MED6: variants seen among roughly 807,000 people sequenced by gnomAD.
MED6 encodes the protein mediator of RNA polymerase II transcription subunit 6.
Under a neutral mutation model 37.5 loss-of-function variants are expected in MED6, and 33 were observed. The ratio of observed to expected loss-of-function variants is 0.88; its 90% CI spans 0.67 to 1.18. The LOEUF (loss-of-function observed/expected upper bound fraction) is 1.18. MED6 is among the 50% of genes most tolerant of loss of function. MED6 has a pLI of 0.00. For missense variants in MED6, 235 were observed against 290.6 expected, an observed-to-expected ratio of 0.81 and a Z score of 1.39; for synonymous variants, 94 against 93.6, an observed-to-expected ratio of 1.00 and a Z score of -0.02.
chr14:70,596,358 T>C (rs1885044858), intron 3 of MED6: 1 of 350,668 alleles, frequency 2.9e-6, no homozygotes, highest in Non-Finnish European at 5.3e-6. Context: ...CATGGATTCC[T>C]ACAGACCCCA....
intron 1 of MED6, 104 bp from the exon 2 acceptor site, chr14:70,597,881 G>A: frequency 3.4e-6 from 3 of 871,790 alleles, no homozygotes; most frequent in Non-Finnish European, 4.9e-6. Flanking sequence ...ATGAATATAA[G>A]GATGACATAG....
rs1885029684 is a variant in MED6, at chr14:70,595,864, G to A, written c.274+747C>T. On this transcript the variant is annotated intron_variant, in intron 3 of 7. Coordinates refer to ENST00000256379, the MANE Select transcript of MED6 (RefSeq NM_005466.4). ...GCAGGGTACCCTTTGAGGAGCAGGA[G>A]GCCAATAAAAAGTTCAGAGGTCAAA... The A allele has an allele frequency of 6.4e-6, 4 of 629,304 alleles. 1 individual carries two copies. In the East Asian group the frequency reaches 9.2e-5, roughly 14 times the overall value. The allele number at this position is 629,304 out of a possible 1,614,324, so 39.0% of individuals were successfully genotyped here. A position where few individuals can be genotyped will look rare whatever the true frequency, so the allele number is the denominator to read the frequency against.
rs185091947 is a variant in MED6 at position 70,591,605 on chromosome 14, G to A, written c.467-224C>T. 2.0e-5 allele frequency: 8 copies of A among 403,550 alleles called. No homozygotes were observed. The South Asian group carries it at 2.7e-4, about 13-fold the overall frequency. 25.0% of individuals were successfully genotyped at this position (403,550 alleles called of 1,614,324 possible). A position where few individuals can be genotyped will look rare whatever the true frequency, so the allele number is the denominator to read the frequency against. ...TTCTAACATTTAAGCTGATACATAT[G>A]TCTTTTAAAGATACTTCAGTTTTGG... On this transcript the variant is annotated intron_variant, in intron 5 of 7. Transcript: ENST00000256379.
chr14:70,596,795 C>T lies in MED6; in HGVS notation c.183-93G>A, dbSNP rs908837727. 4.4e-6 allele frequency: 4 copies of T among 913,510 alleles called. No homozygotes were observed. The Admixed American group carries it at 9.2e-5, about 21-fold the overall frequency. The allele number at this position is 913,510 out of a possible 1,614,324, so 56.6% of individuals were successfully genotyped here. The stretch of plus-strand genomic sequence containing the variant: ...ATTATTATATAAAAATGCAGCAACA[C>T]TTTAAATAGGATTAAAACTGCCTAT... On this transcript the variant is annotated intron_variant, in intron 2 of 7. Transcript: ENST00000256379.
At chr14:70,597,518 C>G in intron 2 of MED6, 100 bp downstream of exon 2, 4 of 1,085,230 alleles carry the variant, frequency 3.7e-6, no homozygotes, top group Non-Finnish European at 4.9e-6. Context: ...AGTTTTTCTT[C>G]TAAAAGTTCT....
chr14:70,597,568 A>C lies in MED6; in HGVS notation c.182+50T>G, dbSNP rs2233132. 1,235 of 1,391,506 alleles carry C rather than the reference A, an allele frequency of 8.9e-4. 15 individuals are homozygous for C. In the African/African-American group the frequency reaches 0.016, roughly 18 times the overall value. 86.2% of individuals were successfully genotyped at this position (1,391,506 alleles called of 1,614,324 possible). A position where few individuals can be genotyped will look rare whatever the true frequency, so the allele number is the denominator to read the frequency against. ...GATCCACAGTTTGAAAGAACTGTTCATTGCAAAACTTGTATTTGGAAAAAG... is the reference window on the plus strand; with the variant it reads ...GATCCACAGTTTGAAAGAACTGTTCCTTGCAAAACTTGTATTTGGAAAAAG... On this transcript the variant is annotated intron_variant, in intron 2 of 7. Coordinates refer to ENST00000256379, the MANE Select transcript of MED6 (RefSeq NM_005466.4).
chr14:70,584,309 G>A lies in MED6; in HGVS notation c.*504C>T. 1 of 551,996 alleles carries A rather than the reference G, an allele frequency of 1.8e-6. No individual in the cohort carries two copies. The highest frequency in any genetic ancestry group is 3.2e-6 in the Non-Finnish European group (1 of 310,344). 34.2% of individuals were successfully genotyped at this position (551,996 alleles called of 1,614,324 possible). A position where few individuals can be genotyped will look rare whatever the true frequency, so the allele number is the denominator to read the frequency against. ...ACATGTGAGTGTGTAGGTTGCTCAA[G>A]TCCGGGAGAGGAAAGGTTACAGAAG... On this transcript the variant is annotated 3_prime_UTR_variant, in exon 8 of 8. Coordinates refer to ENST00000256379, the MANE Select transcript of MED6 (RefSeq NM_005466.4).
rs184410681 is a variant in MED6, at chr14:70,590,338, T to C, written c.582+928A>G. 1.1e-3 allele frequency among the ~76,000 whole-genome samples: 174 copies of C among 152,352 alleles called. 2 individuals carry two copies. Among genetic ancestry groups the C allele is most frequent in the Admixed American group, 2.0e-3 (30 of 15,308 alleles). On this transcript the variant is annotated intron_variant, in intron 6 of 7. Transcript: ENST00000256379. ...TCATTTATTTATTTATTCAACAGAC[T>C]ATGTTCCATCTTCAAGTGCAGTTGA...
intron 5 of MED6, among the ~76,000 whole-genome samples, chr14:70,592,286 G>C (rs998274755): frequency 6.6e-6 from 1 of 152,126 alleles, no homozygotes; most frequent in Non-Finnish European, 1.5e-5. Flanking sequence ...GGAGCCACAA[G>C]AGGTGATGAG....
intron 2 of MED6, 120 bp from the exon 3 acceptor site, chr14:70,596,822 T>C (rs1036085244): frequency 5.8e-6 from 4 of 684,224 alleles, no homozygotes; most frequent in Non-Finnish European, 7.2e-6. Flanking sequence ...ACTGCCTATG[T>C]TTGGTGTTAT....
Position 70,591,252 on chromosome 14 carries a change from C to T in MED6, c.582+14G>A. The T allele has an allele frequency of 6.3e-7, 1 of 1,574,812 alleles. No homozygotes were observed. Among genetic ancestry groups the T allele is most frequent in the South Asian group, 1.1e-5 (1 of 89,274 alleles). ...AAGTGTCAAATCAAGATTAACCACA[C>T]ATATTCTCATTACCTGCACAAATTT... On this transcript the variant is annotated intron_variant, in intron 6 of 7. Coordinates refer to ENST00000256379, the MANE Select transcript of MED6 (RefSeq NM_005466.4).
At chr14:70,585,814 G>A (rs10137634) in intron 6 of MED6, 31 bp from the exon 7 acceptor site, 2 of 1,592,202 alleles carry the variant, frequency 1.3e-6, no homozygotes, top group Admixed American at 3.5e-5. Context: ...GGGAGGGAGA[G>A]GAAGAGGAAA....
intron 3 of MED6, among the ~76,000 whole-genome samples, chr14:70,593,889 G>C (rs557286341): frequency 6.6e-6 from 1 of 152,120 alleles, no homozygotes; most frequent in Non-Finnish European, 1.5e-5. Context: ...CCCAGTGCTG[G>C]GTCCTAAGGA....
chr14:70,593,161 C>T, intron 4 of MED6, 135 bp downstream of exon 4: 1 of 1,226,390 alleles, frequency 8.2e-7, no homozygotes. Flanking sequence ...TCACAGTAAC[C>T]AAAGTTCAAG....
chr14:70,595,110 C>G (rs774080521), intron 3 of MED6: 2 of 532,012 alleles, frequency 3.8e-6, no homozygotes, highest in Non-Finnish European at 7.4e-6. Context: ...ATGGGCTCTG[C>G]AAGGTCAATG....
In MED6 at chr14:70,584,577, T is replaced by C. The variant is rs190744133; in HGVS notation, c.*236A>G. On this transcript the variant is annotated 3_prime_UTR_variant, in exon 8 of 8. Coordinates refer to ENST00000256379, the MANE Select transcript of MED6 (RefSeq NM_005466.4). Reference sequence around the variant, plus strand: ...TTTTAGTAGAGACGGGGTTTCACCATATTGGTCAGGCTGGTCTTGAACTTC... The same window carrying C: ...TTTTAGTAGAGACGGGGTTTCACCACATTGGTCAGGCTGGTCTTGAACTTC... The C allele has an allele frequency of 2.8e-3, 1,148 of 403,406 alleles. 13 individuals are homozygous for C. The highest frequency in any genetic ancestry group is 0.022 in the African/African-American group (1,066 of 47,918). The allele number at this position is 403,406 out of a possible 1,614,324, so 25.0% of individuals were successfully genotyped here.
In MED6 at chr14:70,596,710, C is replaced by T. The variant is rs1188075741; in HGVS notation, c.183-8G>A. ...TCGATTCCAACCATCTGACTGAAAA[C>T]AGAACACAGACATCCAAAGATCTAT... On this transcript the variant is annotated splice_region_variant and splice_polypyrimidine_tract_variant and intron_variant, in intron 2 of 7. Coordinates refer to ENST00000256379, the MANE Select transcript of MED6 (RefSeq NM_005466.4). 1.9e-6 allele frequency: 3 copies of T among 1,598,502 alleles called. No individual in the cohort carries two copies. Among genetic ancestry groups the T allele is most frequent in the Non-Finnish European group, 2.6e-6 (3 of 1,166,618 alleles).
chr14:70,595,902 A>C, intron 3 of MED6: 4 of 527,210 alleles, frequency 7.6e-6, no homozygotes, highest in Non-Finnish European at 6.9e-6. Context: ...ACAAAACAAA[A>C]TTACTTGGGA....
intron 3 of MED6, chr14:70,596,282 A>G (rs990151565): frequency 3.3e-5 from 7 of 210,670 alleles, no homozygotes; most frequent in African/African-American, 1.6e-4. Context: ...GCTGCATTTC[A>G]CTGCTGGATG....
Sources: gnomAD v4.1 joint callset for allele counts (sites outside exome capture counted in the v4.1 genomes callset) on GRCh38, gnomAD v4.1.1 for gene constraint, MANE v1.5 for transcripts, NCBI Gene and HGNC (gene_info 2026-07-23, HGNC 2026-07-21) for gene names.